PDZRN3: variants seen among roughly 807,000 people sequenced by gnomAD.
PDZRN3 encodes PDZ domain containing ring finger 3.
In PDZRN3, 38 loss-of-function variants were observed where a neutral mutation model predicts 85.7. That is an observed-to-expected ratio of 0.44 (90% CI 0.34 to 0.58). PDZRN3 has a LOEUF of 0.58. PDZRN3 is among the 20% of genes least tolerant of loss of function. PDZRN3 has a pLI of 0.01. For synonymous variants in PDZRN3, 759 were observed against 638.0 expected (o/e 1.19, Z -2.86); for missense variants, 1,629 against 1,506.4 (o/e 1.08, Z -1.35).
At chr3:73,450,266 T>C (rs901514392) in intron 3 of PDZRN3, among the ~76,000 whole-genome samples, 3 of 152,246 alleles carry the variant, frequency 2.0e-5, no homozygotes, top group Non-Finnish European at 4.4e-5. Flanking sequence ...GCCTTCTCAG[T>C]AGCAATTCTT....
At chr3:73,477,434 G>A (rs1253448442) in intron 3 of PDZRN3, among the ~76,000 whole-genome samples, 1 of 152,132 alleles carries the variant, frequency 6.6e-6, no homozygotes, top group Non-Finnish European at 1.5e-5. Context: ...TGCTAAAAGT[G>A]AGACAGATAA....
Position 73,437,035 on chromosome 3 carries a change from G to T in PDZRN3, c.919-32640C>A, listed in dbSNP as rs1175699695. ...GCACTCCAGCCTGGCGACAGAGAAA[G>T]ACTCTGTCTCAAAAAAAAAAAAAAA... is the stretch of plus-strand genomic sequence containing the variant. On this transcript the variant is annotated intron_variant, in intron 3 of 9. Transcript: ENST00000263666. Among the ~76,000 whole-genome samples, 4 of 129,712 alleles carry T rather than the reference G, an allele frequency of 3.1e-5. No individual in the cohort carries two copies. The East Asian group carries it at 8.9e-4, about 29-fold the overall frequency. The allele number at this position is 129,712 out of a possible 152,430, so 85.1% of individuals were successfully genotyped here. A position where few individuals can be genotyped will look rare whatever the true frequency, so the allele number is the denominator to read the frequency against.
At chr3:73,418,604 T>A (rs1559668789) in intron 3 of PDZRN3, among the ~76,000 whole-genome samples, 1 of 152,190 alleles carries the variant, frequency 6.6e-6, no homozygotes, top group Non-Finnish European at 1.5e-5. Context: ...CCTTTGTAGC[T>A]ACAACTCCAC....
chr3:73,554,637 C>T (rs1701647567), intron 3 of PDZRN3, among the ~76,000 whole-genome samples: 1 of 152,108 alleles, frequency 6.6e-6, no homozygotes, highest in Non-Finnish European at 1.5e-5. Flanking sequence ...ACTTCCATAT[C>T]CCAACTTAGA....
At chr3:73,467,158 A>G (rs1467060747) in intron 3 of PDZRN3, among the ~76,000 whole-genome samples, 1 of 152,202 alleles carries the variant, frequency 6.6e-6, no homozygotes, top group Non-Finnish European at 1.5e-5. Context: ...AGGGCATTAC[A>G]GAATGGGATT....
At chr3:73,458,586 TG>T (rs1703035636) in intron 3 of PDZRN3, among the ~76,000 whole-genome samples, 1 of 149,500 alleles carries the variant, frequency 6.7e-6, no homozygotes, top group Non-Finnish European at 1.5e-5. Flanking sequence ...CTGACCTGCA[TG>T]ATCTCTTAGA....
chr3:73,452,022 G>A (rs1702872252), intron 3 of PDZRN3, among the ~76,000 whole-genome samples: 1 of 152,142 alleles, frequency 6.6e-6, no homozygotes, highest in South Asian at 2.1e-4. Context: ...ACTAATGTGG[G>A]TAAGCAATAA....
chr3:73,536,155 C>G (rs1704780392), intron 3 of PDZRN3, among the ~76,000 whole-genome samples: 1 of 152,222 alleles, frequency 6.6e-6, no homozygotes. Flanking sequence ...CCACTGTAAG[C>G]CATTTCTAAT....
Position 73,526,357 on chromosome 3 carries a change from C to G in PDZRN3, c.918+75997G>C, listed in dbSNP as rs1435980147. On this transcript the variant is annotated intron_variant, in intron 3 of 9. Coordinates refer to ENST00000263666, the MANE Select transcript of PDZRN3 (RefSeq NM_015009.3). ...TTCAATCAGAGTATTCTCATACCAA[C>G]CCATCAAGTATCCCCATACCCATTC... 3.3e-5 allele frequency among the ~76,000 whole-genome samples: 5 copies of G among 152,154 alleles called. No homozygotes were observed. The East Asian group carries it at 9.6e-4, about 29-fold the overall frequency.
At position 73,522,122 on chromosome 3, in the gene PDZRN3, C is replaced by T. The variant is rs529632121; in HGVS notation, c.918+80232G>A. Among the ~76,000 whole-genome samples, 31 of 152,288 alleles carry T rather than the reference C, an allele frequency of 2.0e-4. 1 individual carries two copies. The highest frequency in any genetic ancestry group is 6.3e-4 in the African/African-American group (26 of 41,564). On this transcript the variant is annotated intron_variant, in intron 3 of 9. Transcript: ENST00000263666. Reference sequence around the variant, plus strand: ...CCACACCCATTCACTTTCATCTTGTCGACGGCCGCTTTCATGCCACGTCAG... The same window carrying T: ...CCACACCCATTCACTTTCATCTTGTTGACGGCCGCTTTCATGCCACGTCAG...
intron 3 of PDZRN3, among the ~76,000 whole-genome samples, chr3:73,480,277 C>CAA (rs1693543020): frequency 6.6e-6 from 1 of 152,200 alleles, no homozygotes; most frequent in African/African-American, 2.4e-5. Context: ...TCAAACCTCT[C>CAA]AGAGGTTAGC....
intron 3 of PDZRN3, among the ~76,000 whole-genome samples, chr3:73,472,597 G>A (rs960536755): frequency 2.6e-5 from 4 of 152,076 alleles, no homozygotes; most frequent in African/African-American, 7.3e-5. Flanking sequence ...TATCAAACTC[G>A]GACCACAGCA....
chr3:73,621,780 A>T (rs1702867132), intron 1 of PDZRN3: 2 of 152,200 alleles, frequency 1.3e-5, no homozygotes, highest in Admixed American at 1.3e-4. Context: ...ACACCGGAAC[A>T]AACCTTTCTC....
At chr3:73,508,917 G>A (rs542616637) in intron 3 of PDZRN3, among the ~76,000 whole-genome samples, 1 of 152,282 alleles carries the variant, frequency 6.6e-6, no homozygotes, top group African/African-American at 2.4e-5. Context: ...GTCCCTTTGA[G>A]GTTCTATTTA....
intron 3 of PDZRN3, among the ~76,000 whole-genome samples, chr3:73,540,967 C>T (rs554693875): frequency 2.6e-5 from 4 of 152,266 alleles, no homozygotes; most frequent in Middle Eastern, 3.4e-3. Context: ...TAAACTATAC[C>T]TTACTGTTAC....
Position 73,624,473 on chromosome 3 carries a change from C to A in PDZRN3, c.353G>T (p.Gly118Val). 1 of 1,392,892 alleles carries A rather than the reference C, an allele frequency of 7.2e-7. No individual in the cohort carries two copies. The highest frequency in any genetic ancestry group is 9.2e-7 in the Non-Finnish European group (1 of 1,081,766). 86.3% of individuals were successfully genotyped at this position (1,392,892 alleles called of 1,614,324 possible). Residue 118 changes from glycine (G) to valine (V), a missense_variant, in exon 1 of 10, where the codon GGC (glycine) becomes GTC (valine). Transcript: ENST00000263666. ...CACGTCGCGCCGCAGCAGCACCTGG[C>A]CGCAACCCGCGTGGCGACAGCGCGC... is the stretch of plus-strand genomic sequence containing the variant. The part of the protein sequence containing the change: ...APARCRHAGC[G>V]QVLLRRDVEA...
chr3:73,464,579 CTTGT>C (rs1361401878), intron 3 of PDZRN3, among the ~76,000 whole-genome samples: 2 of 151,980 alleles, frequency 1.3e-5, no homozygotes, highest in East Asian at 1.9e-4. Context: ...GTTTCTGTAT[CTTGT>C]TTATTTTTCT....
chr3:73,398,359 T>C (rs7617557), intron 5 of PDZRN3, among the ~76,000 whole-genome samples: 103,324 of 152,132 alleles, frequency 0.68, 35,349 homozygotes, highest in East Asian at 0.87. Flanking sequence ...CAAGAGGAAA[T>C]GATAGCTTGG....
chr3:73,394,919 G>A (rs1016288171), intron 5 of PDZRN3, among the ~76,000 whole-genome samples: 31 of 152,222 alleles, frequency 2.0e-4, no homozygotes, highest in Admixed American at 5.9e-4. Flanking sequence ...GGTTTACCTT[G>A]TTTTCTTATA....
Sources: allele counts gnomAD v4.1 joint callset (sites outside exome capture counted in the v4.1 genomes callset), GRCh38; gene constraint gnomAD v4.1.1; transcripts MANE v1.5; gene names NCBI Gene and HGNC (gene_info 2026-07-23, HGNC 2026-07-21).